Variants in BICDL1 observed in about 807,000 individuals in gnomAD.
BICDL1 encodes BICD family like cargo adaptor 1.
In BICDL1, 20 loss-of-function variants were observed where a neutral mutation model predicts 76.8. That is an observed-to-expected ratio of 0.26 (90% confidence interval 0.18 to 0.38). The LOEUF (loss-of-function observed/expected upper bound fraction) is 0.38. Among genes scored for constraint, BICDL1 ranks in the 10% least tolerant of loss-of-function variants. BICDL1 has a pLI of 1.00. For missense variants in BICDL1, 700 were observed against 798.6 expected (o/e 0.88, Z 1.49); for synonymous variants, 383 against 337.1 (o/e 1.14, Z -1.49).
intron 9 of BICDL1, chr12:120,092,670 C>T (rs904041513): frequency 2.0e-6 from 2 of 985,324 alleles, no homozygotes; most frequent in South Asian, 4.7e-5. Flanking sequence ...GCCGTGAGGC[C>T]TGGTCAGAGC....
intron 2 of BICDL1, among the ~76,000 whole-genome samples, chr12:120,021,586 CAAAAAA>C (rs145151630): frequency 1.1e-4 from 5 of 46,310 alleles, no homozygotes; most frequent in African/African-American, 1.9e-4. Flanking sequence ...GACTCCATCT[CAAAAAA>C]AAAAAAAAAA....
At position 120,071,814 on chromosome 12, in the gene BICDL1, C is replaced by CT. The variant is rs1020604855; in HGVS notation, c.1089+14dup. The CT allele has an allele frequency of 6.3e-7, 1 of 1,591,052 alleles. No individual in the cohort carries two copies. Among genetic ancestry groups the CT allele is most frequent in the Non-Finnish European group, 8.5e-7 (1 of 1,169,746 alleles). The stretch of plus-strand genomic sequence containing the variant: ...GGAGCGAGAGCAGGTGCTGACCTGC[C>CT]TGTCACCCCACAGGCGAGGCTACCT... On this transcript the variant is annotated intron_variant, in intron 5 of 9. Coordinates refer to ENST00000548673, the MANE Select transcript of BICDL1 (RefSeq NM_001367886.1). This position sits in a 1 kb window ranked among gnomAD's most constrained non-coding sequence, Gnocchi z 4.8.
chr12:120,028,407 G>T (rs1175837805), intron 2 of BICDL1, among the ~76,000 whole-genome samples: 1 of 152,100 alleles, frequency 6.6e-6, no homozygotes, highest in Non-Finnish European at 1.5e-5. Flanking sequence ...GGGCGTGGTG[G>T]CTCACGCCTG....
At chr12:120,035,711 A>C (rs1307922728) in intron 2 of BICDL1, among the ~76,000 whole-genome samples, 1 of 152,228 alleles carries the variant, frequency 6.6e-6, no homozygotes, top group Non-Finnish European at 1.5e-5. Context: ...ATACATATTA[A>C]TGAAATGTTA....
At chr12:120,017,751 T>C (rs1289283400) in intron 2 of BICDL1, among the ~76,000 whole-genome samples, 1 of 151,868 alleles carries the variant, frequency 6.6e-6, no homozygotes, top group South Asian at 2.1e-4. Flanking sequence ...AGAAAATGTG[T>C]CAAGATTTGG....
intron 7 of BICDL1, among the ~76,000 whole-genome samples, chr12:120,077,386 A>G (rs990929116): frequency 6.6e-6 from 1 of 152,080 alleles, no homozygotes; most frequent in African/African-American, 2.4e-5. Flanking sequence ...CTGTTCCCCA[A>G]GTGGCCCACC....
Position 119,990,310 on chromosome 12 carries a change from C to G in BICDL1, c.429+13C>G. 6.4e-7 allele frequency: 1 copy of G among 1,553,902 alleles called. No homozygotes were observed. Among genetic ancestry groups the G allele is most frequent in the Non-Finnish European group, 8.7e-7 (1 of 1,149,510 alleles). ...AGACAAGCTCGAGGTGAGGACCTCC[C>G]TCCAGGGATGGGTGGGGAGCAGGGG... On this transcript the variant is annotated intron_variant, in intron 1 of 9. Transcript: ENST00000548673.
intron 2 of BICDL1, among the ~76,000 whole-genome samples, chr12:120,046,227 C>G (rs1952748177): frequency 6.6e-6 from 1 of 152,194 alleles, no homozygotes; most frequent in South Asian, 2.1e-4. Context: ...TCCTTCTCTC[C>G]ATCCTCCATC....
intron 2 of BICDL1, among the ~76,000 whole-genome samples, chr12:120,060,151 A>T (rs1399873411): frequency 6.6e-6 from 1 of 152,258 alleles, no homozygotes; most frequent in Non-Finnish European, 1.5e-5. Context: ...AGTTCTTGAC[A>T]CATAGTATGT....
rs1054999882 is a variant in BICDL1, at chr12:120,006,505, C to T, written c.645+7769C>T. Among the ~76,000 whole-genome samples the T allele has an allele frequency of 6.6e-5, 10 of 152,190 alleles. 1 individual carries two copies. Among genetic ancestry groups the T allele is most frequent in the African/African-American group, 2.4e-4 (10 of 41,514 alleles). The stretch of plus-strand genomic sequence containing the variant: ...GAAGGAAATACATAAACAGACAAAT[C>T]AGCTAGTGATAGTACTATGAATACA... On this transcript the variant is annotated intron_variant, in intron 2 of 9. Transcript: ENST00000548673.
intron 2 of BICDL1, among the ~76,000 whole-genome samples, chr12:120,004,733 T>G (rs1951820147): frequency 6.6e-6 from 1 of 152,234 alleles, no homozygotes; most frequent in Non-Finnish European, 1.5e-5. Context: ...GTCGGCTTCT[T>G]AAGGAACTTA....
chr12:119,999,083 A>AAAAAT (rs1951709905), intron 2 of BICDL1, among the ~76,000 whole-genome samples: 1 of 150,390 alleles, frequency 6.6e-6, no homozygotes, highest in African/African-American at 2.5e-5. Flanking sequence ...AAAAAAAAAA[A>AAAAAT]GTTGAAATAG....
rs552858645 is a variant in BICDL1, at chr12:120,070,877, G to A, written c.910-745G>A. On this transcript the variant is annotated intron_variant, in intron 4 of 9. Transcript: ENST00000548673. ...CTCCCGAGTAGCTGGGATTACAGGC[G>A]CCTGCCACCATGCCCAGCTAATTTT... Among the ~76,000 whole-genome samples the A allele has an allele frequency of 8.6e-5, 13 of 150,830 alleles. No homozygotes were observed. In the South Asian group the frequency reaches 2.1e-3, roughly 25 times the overall value.
chr12:120,008,079 A>G (rs1203173102), intron 2 of BICDL1, among the ~76,000 whole-genome samples: 1 of 152,016 alleles, frequency 6.6e-6, no homozygotes, highest in Non-Finnish European at 1.5e-5. Context: ...AAATTTCCAA[A>G]GGACGTTCTC....
At chr12:120,066,357 A>G (rs1423322984) in intron 4 of BICDL1, among the ~76,000 whole-genome samples, 1 of 152,218 alleles carries the variant, frequency 6.6e-6, no homozygotes, top group Non-Finnish European at 1.5e-5. Flanking sequence ...GAAAATAAGT[A>G]TGGAGAAAGA....
intron 2 of BICDL1, among the ~76,000 whole-genome samples, chr12:120,006,197 G>A (rs757999508): frequency 1.6e-4 from 24 of 152,180 alleles, no homozygotes; most frequent in Admixed American, 9.2e-4. Flanking sequence ...TGCCTGGAGA[G>A]GAGGCTTCTG....
At chr12:120,088,677 G>GT (rs1239567327) in intron 8 of BICDL1, among the ~76,000 whole-genome samples, 2 of 139,368 alleles carry the variant, frequency 1.4e-5, no homozygotes, top group Admixed American at 7.2e-5. Flanking sequence ...GGGTTTTTTT[G>GT]TTTTTTTGAG....
chr12:120,031,319 T>G (rs1952419158), intron 2 of BICDL1, among the ~76,000 whole-genome samples: 3 of 150,752 alleles, frequency 2.0e-5, no homozygotes, highest in Non-Finnish European at 4.4e-5. Context: ...TTCTCCTGCC[T>G]CAGCCTCCTC....
intron 2 of BICDL1, among the ~76,000 whole-genome samples, chr12:120,026,128 G>A (rs1157853902): frequency 2.0e-5 from 3 of 152,104 alleles, no homozygotes; most frequent in Admixed American, 1.3e-4. Context: ...ATGAACCACC[G>A]TGCCCGACGC....
Sources: allele counts gnomAD v4.1 joint callset (sites outside exome capture counted in the v4.1 genomes callset), GRCh38; gene constraint gnomAD v4.1.1; non-coding constraint Gnocchi (gnomAD v3.1); transcripts MANE v1.5; gene names NCBI Gene and HGNC (gene_info 2026-07-23, HGNC 2026-07-21).